CCDC171: variants seen among roughly 807,000 people sequenced by gnomAD.
The protein encoded by CCDC171 is coiled-coil domain-containing protein 171.
CCDC171 carries 177 observed loss-of-function variants against 168.2 expected under a neutral mutation model. The observed-to-expected ratio is 1.05, with a 90% CI of 0.93 to 1.19. The LOEUF (loss-of-function observed/expected upper bound fraction) is 1.19, where lower values mean the gene tolerates loss of function less well. Among genes scored for constraint, CCDC171 ranks in the 50% most tolerant of loss-of-function variants. The pLI, the probability that CCDC171 is intolerant of heterozygous loss-of-function variation, is 0.00. For missense variants in CCDC171, 1,991 were observed against 1,539.0 expected (o/e 1.29, Z -4.91); for synonymous variants, 687 against 540.8 (o/e 1.27, Z -3.75).
At chr9:15,579,653 G>A (rs534916094) in intron 4 of CCDC171, among the ~76,000 whole-genome samples, 92 of 152,074 alleles carry the variant, frequency 6.0e-4, no homozygotes, top group Non-Finnish European at 1.1e-3. Context: ...CCTTCTACAT[G>A]GATGACTACT....
At chr9:15,963,378 A>C (rs1454431755) in intron 25 of CCDC171, among the ~76,000 whole-genome samples, 1 of 152,188 alleles carries the variant, frequency 6.6e-6, no homozygotes, top group East Asian at 1.9e-4. Flanking sequence ...TTGTTTATCT[A>C]TCTAAAAATG....
At chr9:15,930,285 T>C (rs112787881) in intron 25 of CCDC171, among the ~76,000 whole-genome samples, 14 of 151,840 alleles carry the variant, frequency 9.2e-5, no homozygotes, top group Middle Eastern at 6.8e-3. Flanking sequence ...TTTTATATTA[T>C]TCTGTATTAG....
intron 4 of CCDC171, among the ~76,000 whole-genome samples, chr9:15,590,767 CTTTCTCTTTCTT>C (rs2041921415): frequency 8.8e-6 from 1 of 113,642 alleles, no homozygotes; most frequent in Admixed American, 1.1e-4. Context: ...TTCTTTCTTT[CTTTCTCTTTCTT>C]TCTTTCTTTC....
the CCDC171 span, among the ~76,000 whole-genome samples, chr9:16,096,159 AAG>A: frequency 1.3e-5 from 2 of 152,144 alleles, no homozygotes; most frequent in Non-Finnish European, 1.5e-5. Flanking sequence ...CATTTAATGA[AAG>A]AATGAATTAT....
At chr9:15,970,408 T>A (rs1008833401) in intron 25 of CCDC171, among the ~76,000 whole-genome samples, 20 of 151,142 alleles carry the variant, frequency 1.3e-4, no homozygotes, top group South Asian at 8.3e-4. Flanking sequence ...TTTTTTTTTT[T>A]AAAACCCTGC....
At chr9:15,890,955 G>C (rs1205104776) in intron 24 of CCDC171, among the ~76,000 whole-genome samples, 4 of 151,996 alleles carry the variant, frequency 2.6e-5, no homozygotes, top group African/African-American at 7.2e-5. Flanking sequence ...AAAAGGACTG[G>C]CTCTTAATAA....
At chr9:15,580,520 C>G (rs1281230927) in intron 4 of CCDC171, among the ~76,000 whole-genome samples, 3 of 151,930 alleles carry the variant, frequency 2.0e-5, no homozygotes, top group African/African-American at 7.3e-5. Flanking sequence ...CTATGAGGAA[C>G]TCAAATCAGC....
At position 15,897,658 on chromosome 9, in the gene CCDC171, G is replaced by A. The variant is rs1821089596; in HGVS notation, c.3601-22612G>A. Among the ~76,000 whole-genome samples, 6 of 152,244 alleles carry A rather than the reference G, an allele frequency of 3.9e-5. No individual in the cohort carries two copies. The South Asian group carries it at 1.0e-3, about 26-fold the overall frequency. On this transcript the variant is annotated intron_variant, in intron 24 of 25. Transcript: ENST00000380701. ...GGTGTCATAGCAAAATTCAAAAGGG[G>A]TTTGCTTTGTATCTTTTTCAGTTAA...
chr9:16,093,606 C>T, the CCDC171 span, among the ~76,000 whole-genome samples: 1 of 152,216 alleles, frequency 6.6e-6, no homozygotes. Flanking sequence ...TTCTGTGCCT[C>T]TTCTCTCTCT....
In CCDC171 at chr9:15,680,506, A is replaced by T. The variant is rs113760959; in HGVS notation, c.1215+1610A>T. Among the ~76,000 whole-genome samples the T allele has an allele frequency of 7.6e-3, 1,165 of 152,304 alleles. 10 individuals carry two copies. Among genetic ancestry groups the T allele is most frequent in the South Asian group, 0.023 (110 of 4,818 alleles). On this transcript the variant is annotated intron_variant, in intron 10 of 25. Transcript: ENST00000380701. ...GCCCATATCGAAAGCTAATAATAGG[A>T]TATAGTTAAAACTCTTCAGTGTTTT...
rs766014642 is a variant in CCDC171, at chr9:15,973,575, C to T, written c.*1739C>T. On this transcript the variant is annotated 3_prime_UTR_variant, in exon 26 of 26. Coordinates refer to ENST00000380701, the MANE Select transcript of CCDC171 (RefSeq NM_173550.4). Reference sequence around the variant, plus strand: ...ATATGGAGTAAAATTATATCTTTAACCAAATTTCTCTTAATTCTTTCCTTG... The same window carrying T: ...ATATGGAGTAAAATTATATCTTTAATCAAATTTCTCTTAATTCTTTCCTTG... The T allele has an allele frequency of 6.6e-6, 1 of 152,002 alleles. No individual in the cohort carries two copies. The highest frequency in any genetic ancestry group is 1.5e-5 in the Non-Finnish European group (1 of 68,000). The allele number at this position is 152,002 out of a possible 1,614,324, so 9.4% of individuals were successfully genotyped here.
chr9:15,869,403 T>C (rs369911678), intron 23 of CCDC171, among the ~76,000 whole-genome samples: 1 of 152,060 alleles, frequency 6.6e-6, no homozygotes, highest in Admixed American at 6.6e-5. Context: ...GTCTTGGAAC[T>C]GTCTAATTTT....
intron 24 of CCDC171, among the ~76,000 whole-genome samples, chr9:15,909,584 A>G (rs1823310308): frequency 6.6e-6 from 1 of 152,160 alleles, no homozygotes. Flanking sequence ...ACAATTCCAC[A>G]TCTTTGATGG....
chr9:15,640,512 G>A (rs1019121767), intron 7 of CCDC171, among the ~76,000 whole-genome samples: 2 of 151,998 alleles, frequency 1.3e-5, no homozygotes, highest in African/African-American at 4.8e-5. Context: ...GAACATACAC[G>A]AGAGTTCTTT....
At chr9:16,007,121 T>A (rs1349579297) in intron 3 of CCDC171, among the ~76,000 whole-genome samples, 3 of 152,208 alleles carry the variant, frequency 2.0e-5, no homozygotes, top group Middle Eastern at 3.2e-3. Context: ...AATGATCGCC[T>A]TTCTAACTGC....
intron 1 of CCDC171, among the ~76,000 whole-genome samples, chr9:15,561,719 A>G (rs2039316731): frequency 6.6e-6 from 1 of 152,156 alleles, no homozygotes; most frequent in African/African-American, 2.4e-5. Context: ...CACTGACCGT[A>G]TCAACTTTGG....
At chr9:15,936,824 G>A (rs895179167) in intron 25 of CCDC171, among the ~76,000 whole-genome samples, 4 of 151,972 alleles carry the variant, frequency 2.6e-5, no homozygotes, top group South Asian at 2.1e-4. Context: ...CATGTCAGCC[G>A]TTATTAGCTA....
intron 23 of CCDC171, among the ~76,000 whole-genome samples, chr9:15,851,740 C>A (rs1051606273): frequency 1.3e-5 from 2 of 151,832 alleles, no homozygotes; most frequent in Admixed American, 1.3e-4. Flanking sequence ...TTCTTATATC[C>A]CTTTCCCCTA....
intron 25 of CCDC171, among the ~76,000 whole-genome samples, chr9:15,952,619 A>G (rs1829329131): frequency 6.6e-6 from 1 of 151,582 alleles, no homozygotes; most frequent in Admixed American, 6.6e-5. Context: ...CTGGTCTTGA[A>G]CTCCCAACCT....
Sources: gnomAD v4.1 joint callset for allele counts (sites outside exome capture counted in the v4.1 genomes callset) on GRCh38, gnomAD v4.1.1 for gene constraint, MANE v1.5 for transcripts, NCBI Gene and HGNC (gene_info 2026-07-23, HGNC 2026-07-21) for gene names.